The following CELSR2 variants were observed in gnomAD, a reference collection of about 807,000 sequenced individuals.
CELSR2 encodes EGF-like protein 2.
CELSR2 carries 81 observed loss-of-function variants against 251.6 expected under a neutral mutation model. The ratio of observed to expected loss-of-function variants is 0.32; its 90% CI spans 0.27 to 0.39. The LOEUF (loss-of-function observed/expected upper bound fraction) is 0.39. CELSR2 is among the 10% of genes least tolerant of loss of function. The pLI is 1.00. For synonymous variants in CELSR2, 1,721 were observed against 1,670.5 expected, an observed-to-expected ratio of 1.03 and a Z score of -0.74; for missense variants, 3,365 against 3,947.7, an observed-to-expected ratio of 0.85 and a Z score of 3.96.
chr1:109,270,666 TCCA>T, intron 24 of CELSR2, 66 bp downstream of exon 24: 1 of 1,549,532 alleles, frequency 6.5e-7, no homozygotes, highest in Admixed American at 1.8e-5. Flanking sequence ...CCATGTTCTC[TCCA>T]CCCACATACA....
At chr1:109,256,962 G>C (rs1005139131) in intron 1 of CELSR2, among the ~76,000 whole-genome samples, 2 of 152,178 alleles carry the variant, frequency 1.3e-5, no homozygotes, top group Non-Finnish European at 2.9e-5. Flanking sequence ...CCGGCCCCCT[G>C]CTATGTTTTA....
At chr1:109,257,350 T>TAA (rs71593475) in intron 1 of CELSR2, among the ~76,000 whole-genome samples, 20,224 of 135,646 alleles carry the variant, frequency 0.15, 2,011 homozygotes, top group African/African-American at 0.29. Flanking sequence ...GTCTGTCTCT[T>TAA]AAAAAAAAAA....
chr1:109,261,488 GC>G lies in CELSR2; in HGVS notation c.4182-20del. ...CATCCAGGTGGGTACCCCATTCCCTGCCCCCATCCCCAACTCCTGTTCAGGT... is the reference window on the plus strand; with the variant it reads ...CATCCAGGTGGGTACCCCATTCCCTGCCCCATCCCCAACTCCTGTTCAGGT... On this transcript the variant is annotated intron_variant, in intron 3 of 33. Coordinates refer to ENST00000271332, the MANE Select transcript of CELSR2 (RefSeq NM_001408.3). The surrounding 1 kb of genome is among the most constrained non-coding windows in gnomAD (Gnocchi z 4.8). The G allele has an allele frequency of 6.2e-7, 1 of 1,602,042 alleles. No homozygotes were observed. Among genetic ancestry groups the G allele is most frequent in the Non-Finnish European group, 8.6e-7 (1 of 1,169,106 alleles).
At chr1:109,264,395 C>CCCCACCAGCAG in intron 10 of CELSR2, 30 bp downstream of exon 10, 1 of 1,597,426 alleles carries the variant, frequency 6.3e-7, no homozygotes, top group Non-Finnish European at 8.6e-7. Flanking sequence ...CTCCCATCCC[C>CCCCACCAGCAG]TCCCCCACCA....
chr1:109,251,983 T>C lies in CELSR2; in HGVS notation c.1904T>C (p.Val635Ala), dbSNP rs151336253. 9 of 1,614,000 alleles carry C rather than the reference T, an allele frequency of 5.6e-6. No individual in the cohort carries two copies. The African/African-American group carries it at 1.1e-4, about 19-fold the overall frequency. The change falls in exon 1 of 34, where the codon GTG becomes GCG. Residue 635 changes from valine (V) to alanine (A), a missense_variant. Coordinates refer to ENST00000271332, the MANE Select transcript of CELSR2 (RefSeq NM_001408.3). The surrounding 1 kb of genome is among the most constrained non-coding windows in gnomAD (Gnocchi z 4.9). ...ACCAGCGTGGTGACGGTGTCAGCTG[T>C]GGACCGTGATGCTCATAGTGTCATC... ...VGTSVVTVSA[V>A]DRDAHSVITY... is the part of the protein sequence containing the mutation.
At chr1:109,267,181 G>C (rs939380565) in intron 15 of CELSR2, among the ~76,000 whole-genome samples, 1 of 152,000 alleles carries the variant, frequency 6.6e-6, no homozygotes, top group African/African-American at 2.4e-5. Flanking sequence ...TGGGGAGTAG[G>C]GGGTGTTGGC....
intron 17 of CELSR2, among the ~76,000 whole-genome samples, 180 bp from the exon 18 acceptor site, chr1:109,268,401 G>T (rs991503125): frequency 6.6e-6 from 1 of 152,234 alleles, no homozygotes; most frequent in Non-Finnish European, 1.5e-5. Flanking sequence ...CTTAGGGGCA[G>T]AGCATCCAGT....
Position 109,251,735 on chromosome 1 carries a change from C to G in CELSR2, c.1656C>G (p.Pro552=), listed in dbSNP as rs567619737. Residue 552 remains proline, a synonymous_variant, in exon 1 of 34, where the codon CCC becomes CCG. Transcript: ENST00000271332. This position sits in a 1 kb window ranked among gnomAD's most constrained non-coding sequence, Gnocchi z 4.9. ...YRLAGVGHDF[P]FTINNGTGWI... ...TTGCTGGGGTGGGACATGACTTCCC[C>G]TTCACCATCAACAATGGCACAGGCT... 1.2e-6 allele frequency: 2 copies of G among 1,614,150 alleles called. No homozygotes were observed. Among genetic ancestry groups the G allele is most frequent in the East Asian group, 2.2e-5 (1 of 44,886 alleles).
rs1473348541 is a variant in CELSR2, at chr1:109,262,426, C to T, written c.4526C>T (p.Thr1509Ile). 6.2e-7 allele frequency: 1 copy of T among 1,613,968 alleles called. No individual in the cohort carries two copies. The highest frequency in any genetic ancestry group is 1.1e-5 in the South Asian group (1 of 91,082). The change falls in exon 6 of 34, where the codon ACC becomes ATC. Residue 1509 changes from threonine (T) to isoleucine (I), a missense_variant. By Grantham distance (89) the Thr-to-Ile change is moderately conservative. Around this residue, in one of 5 missense-constraint regions of CELSR2, gnomAD observed 2,093 missense variants for 2,382.8 expected, o/e 0.88. Coordinates refer to ENST00000271332, the MANE Select transcript of CELSR2 (RefSeq NM_001408.3). ...LGNYSCAAQG[T>I]QGGSKKSLDL... Reference sequence around the variant, plus strand: ...AACTACTCCTGTGCTGCCCAGGGCACCCAGGGTGGCAGCAAGAAGTGAGCA... The same window carrying T: ...AACTACTCCTGTGCTGCCCAGGGCATCCAGGGTGGCAGCAAGAAGTGAGCA...
Position 109,261,492 on chromosome 1 carries a change from C to G in CELSR2, c.4182-21C>G. 6.2e-7 allele frequency: 1 copy of G among 1,606,750 alleles called. No homozygotes were observed. Among genetic ancestry groups the G allele is most frequent in the Non-Finnish European group, 8.5e-7 (1 of 1,173,306 alleles). On this transcript the variant is annotated intron_variant, in intron 3 of 33. Coordinates refer to ENST00000271332, the MANE Select transcript of CELSR2 (RefSeq NM_001408.3). This position sits in a 1 kb window ranked among gnomAD's most constrained non-coding sequence, Gnocchi z 4.8. ...CAGGTGGGTACCCCATTCCCTGCCCCCATCCCCAACTCCTGTTCAGGTTTG... is the reference window on the plus strand; with the variant it reads ...CAGGTGGGTACCCCATTCCCTGCCCGCATCCCCAACTCCTGTTCAGGTTTG...
chr1:109,250,256 A>T lies in CELSR2; in HGVS notation c.177A>T (p.Pro59=). ...GACAPMGWLC[P]SSASNLWLYT... ...GCGCCCCCATGGGCTGGCTCTGTCC[A>T]TCCTCAGCGTCGAACCTCTGGCTCT... The change falls in exon 1 of 34, where the codon CCA becomes CCT. Residue 59 remains proline (P), a synonymous_variant. Coordinates refer to ENST00000271332, the MANE Select transcript of CELSR2 (RefSeq NM_001408.3). This position sits in a 1 kb window ranked among gnomAD's most constrained non-coding sequence, Gnocchi z 4.4. The T allele has an allele frequency of 1.2e-6, 2 of 1,611,980 alleles. No individual in the cohort carries two copies. The highest frequency in any genetic ancestry group is 1.1e-5 in the South Asian group (1 of 91,018).
rs200084754 is a variant in CELSR2 at position 109,270,052 on chromosome 1, C to A, written c.7227C>A (p.His2409Gln). Reference sequence around the variant, plus strand: ...TGCGTATCCTGCGCTCCAACCAACACGGCATCCGACGTAACCTGACAGCTG... The same window carrying A: ...TGCGTATCCTGCGCTCCAACCAACAAGGCATCCGACGTAACCTGACAGCTG... ...TLLRILRSNQ[H>Q]GIRRNLTAAL... Residue 2409 changes from histidine (H) to glutamine (Q), a missense_variant, in exon 23 of 34, where the codon CAC (histidine) becomes CAA (glutamine). This residue lies in a region of CELSR2 where 2,093 missense variants were observed against 2,382.8 expected (regional missense o/e 0.88). Coordinates refer to ENST00000271332, the MANE Select transcript of CELSR2 (RefSeq NM_001408.3). 1.5e-4 allele frequency: 246 copies of A among 1,614,130 alleles called. No individual in the cohort carries two copies. In the East Asian group the frequency reaches 4.9e-3, roughly 32 times the overall value.
At position 109,261,513 on chromosome 1, in the gene CELSR2, G is replaced by T. The variant is rs139883181; in HGVS notation, c.4182G>T (p.Ser1394=). The T allele has an allele frequency of 2.2e-5, 36 of 1,613,854 alleles. No homozygotes were observed. The highest frequency in any genetic ancestry group is 2.7e-5 in the African/African-American group (2 of 74,934). The change falls in exon 4 of 34, where the codon TCG becomes TCT. Residue 1394 remains serine (S), a splice_region_variant and synonymous_variant. Transcript: ENST00000271332. The surrounding 1 kb of genome is among the most constrained non-coding windows in gnomAD (Gnocchi z 4.8). The stretch of plus-strand genomic sequence containing the variant: ...GCCCCCATCCCCAACTCCTGTTCAG[G>T]TTTGCCACAAAGGAGCGCGACGGGT... ...RQRFHFTLAL[S]FATKERDGLL...
In CELSR2 at chr1:109,258,850, C is replaced by T. The variant is rs750100341; in HGVS notation, c.3729C>T (p.Cys1243=). 3 of 1,612,386 alleles carry T rather than the reference C, an allele frequency of 1.9e-6. No homozygotes were observed. The highest frequency in any genetic ancestry group is 1.7e-6 in the Non-Finnish European group (2 of 1,179,362). The change falls in exon 2 of 34, where the codon TGC becomes TGT. Residue 1243 remains cysteine (C), a synonymous_variant. Coordinates refer to ENST00000271332, the MANE Select transcript of CELSR2 (RefSeq NM_001408.3). The part of the protein sequence containing the change: ...LREPCENYMR[C]VSVLRFDSSA... ...AGCCCTGCGAGAACTACATGCGCTG[C>T]GTGTCGGTGCTGCGCTTCGACTCCT...
chr1:109,268,591 G>A lies in CELSR2; in HGVS notation c.6329G>A (p.Arg2110Gln), dbSNP rs200969322. 38 of 1,609,580 alleles carry A rather than the reference G, an allele frequency of 2.4e-5. No homozygotes were observed. In the Middle Eastern group the frequency reaches 5.0e-4, roughly 21 times the overall value. The change falls in exon 18 of 34, where the codon CGG (arginine) becomes CAG (glutamine). Residue 2110 changes from arginine (R) to glutamine (Q), a missense_variant. This residue lies in a region of CELSR2 where 2,093 missense variants were observed against 2,382.8 expected (regional missense o/e 0.88). Coordinates refer to ENST00000271332, the MANE Select transcript of CELSR2 (RefSeq NM_001408.3). ...CCTTGCCCACCCCAGAATCTGCTGCGGGTGGGCAGCGCCCTCCTGGACACA... is the reference window on the plus strand; with the variant it reads ...CCTTGCCCACCCCAGAATCTGCTGCAGGTGGGCAGCGCCCTCCTGGACACA... ...QDVHFTENLL[R>Q]VGSALLDTAN...
chr1:109,249,639 G>A lies in CELSR2; in HGVS notation c.-441G>A, dbSNP rs1176365742. 2.0e-5 allele frequency among the ~76,000 whole-genome samples: 3 copies of A among 146,748 alleles called. No individual in the cohort carries two copies. The highest frequency in any genetic ancestry group is 7.3e-5 in the African/African-American group (3 of 40,890). On this transcript the variant is annotated 5_prime_UTR_variant, in exon 1 of 34. Transcript: ENST00000271332. Reference sequence around the variant, plus strand: ...GCGGCGGGGACGCGGGGCGCGAGCGGGCGGCGCGGGACCGTCGGGGGCCGC... The same window carrying A: ...GCGGCGGGGACGCGGGGCGCGAGCGAGCGGCGCGGGACCGTCGGGGGCCGC...
At position 109,267,862 on chromosome 1, in the gene CELSR2, A is replaced by G. The variant is rs1250560869; in HGVS notation, c.6120A>G (p.Leu2040=). The part of the protein sequence containing the change: ...FSELKGFAER[L]QRNESGLDSG... The stretch of plus-strand genomic sequence containing the variant: ...TCCGTCCTGTCTAGGCTGAGCGGCT[A>G]CAGCGGAATGAGTCAGGCCTAGACT... Residue 2040 remains leucine (L), a synonymous_variant, in exon 17 of 34, where the codon CTA becomes CTG. Coordinates refer to ENST00000271332, the MANE Select transcript of CELSR2 (RefSeq NM_001408.3). 1.2e-6 allele frequency: 2 copies of G among 1,602,636 alleles called. No homozygotes were observed. Among genetic ancestry groups the G allele is most frequent in the South Asian group, 1.1e-5 (1 of 90,980 alleles).
At chr1:109,254,075 T>C (rs1655780425) in intron 1 of CELSR2, among the ~76,000 whole-genome samples, 1 of 152,162 alleles carries the variant, frequency 6.6e-6, no homozygotes, top group African/African-American at 2.4e-5. Context: ...TCAGAGTCCG[T>C]GGTTCGGGTC....
At position 109,263,776 on chromosome 1, in the gene CELSR2, A is replaced by G; in HGVS notation, c.5000A>G (p.Gln1667Arg). Residue 1667 changes from glutamine to arginine, a missense_variant and splice_region_variant, in exon 9 of 34, where the codon CAG becomes CGG. Gln to Arg is a conservative substitution (Grantham distance 43). Transcript: ENST00000271332. ...ITRGRSTITL[Q>R]LREGHVMLSV... ...AGGGGGCGCAGCACCATCACCCTAC[A>G]GGTGATGCATGGAAGGGCGGCTGGC... 1 of 1,612,460 alleles carries G rather than the reference A, an allele frequency of 6.2e-7. No individual in the cohort carries two copies. Among genetic ancestry groups the G allele is most frequent in the Non-Finnish European group, 8.5e-7 (1 of 1,179,594 alleles).
Sources: allele counts gnomAD v4.1 joint callset (sites outside exome capture counted in the v4.1 genomes callset), GRCh38; gene constraint gnomAD v4.1.1; regional missense constraint gnomAD v4.1.1; non-coding constraint Gnocchi (gnomAD v3.1); transcripts MANE v1.5; gene names NCBI Gene and HGNC (gene_info 2026-07-23, HGNC 2026-07-21).